Variants in SLC8A1 observed in about 807,000 individuals in gnomAD.
The protein encoded by SLC8A1 is solute carrier family 8 member A1.
A neutral mutation model predicts 68.3 loss-of-function variants in SLC8A1; 18 were observed. That is an observed-to-expected ratio of 0.26 (90% confidence interval 0.18 to 0.39). SLC8A1 has a LOEUF of 0.39. SLC8A1 is among the 10% of genes least tolerant of loss of function. The probability of loss-of-function intolerance (pLI) is 1.00; values close to 1 mark genes in which losing one functional copy is unlikely to be tolerated. For missense variants in SLC8A1, 985 were observed against 1,156.7 expected (o/e 0.85, Z 2.15); for synonymous variants, 475 against 415.5 (o/e 1.14, Z -1.74).
intron 2 of SLC8A1, among the ~76,000 whole-genome samples, chr2:40,191,155 G>T (rs757373304): frequency 2.6e-5 from 4 of 152,074 alleles, no homozygotes; most frequent in Non-Finnish European, 5.9e-5. Flanking sequence ...CAAAGTAAAA[G>T]TCACTACCGA....
chr2:40,258,353 T>TA (rs1471160960), intron 2 of SLC8A1, among the ~76,000 whole-genome samples: 3 of 152,186 alleles, frequency 2.0e-5, no homozygotes, highest in Non-Finnish European at 4.4e-5. Flanking sequence ...GGAAGCCACT[T>TA]ACCTTCAGAC....
exon 8 of SLC8A1, chr2:40,107,256 G>C (rs1484411238): frequency 1.9e-5 from 2 of 103,942 alleles, no homozygotes. Context: ...CTCCAGCCTG[G>C]GCGACAGAGC....
intron 2 of SLC8A1, among the ~76,000 whole-genome samples, chr2:40,188,915 A>G (rs2051217868): frequency 6.6e-6 from 1 of 152,216 alleles, no homozygotes; most frequent in Non-Finnish European, 1.5e-5. Flanking sequence ...AAAGAAACCA[A>G]TAATTAGTGA....
chr2:40,389,613 C>T (rs1684650807), intron 2 of SLC8A1, among the ~76,000 whole-genome samples: 1 of 151,862 alleles, frequency 6.6e-6, no homozygotes. Context: ...CCCAGACCAT[C>T]CAACTGAATG....
chr2:40,136,346 T>C (rs1572986844), intron 7 of SLC8A1, among the ~76,000 whole-genome samples: 1 of 152,226 alleles, frequency 6.6e-6, no homozygotes, highest in Admixed American at 6.5e-5. Context: ...GAAGAAGCTT[T>C]GTCTCACTTG....
intron 1 of SLC8A1, among the ~76,000 whole-genome samples, chr2:40,443,831 C>T (rs1700956767): frequency 6.6e-6 from 1 of 152,194 alleles, no homozygotes; most frequent in Non-Finnish European, 1.5e-5. Context: ...TACACTTTGG[C>T]ATTCAGTGCC....
intron 2 of SLC8A1, among the ~76,000 whole-genome samples, chr2:40,247,575 A>ACCT (rs1558940131): frequency 1.3e-5 from 2 of 152,222 alleles, no homozygotes; most frequent in African/African-American, 4.8e-5. Flanking sequence ...CTCAGGGCAT[A>ACCT]TAAGTCACGT....
intron 2 of SLC8A1, among the ~76,000 whole-genome samples, chr2:40,286,070 G>A (rs760136273): frequency 6.6e-6 from 1 of 152,146 alleles, no homozygotes; most frequent in African/African-American, 2.4e-5. Flanking sequence ...GCTAGTTACT[G>A]CTCAGTACCC....
intron 2 of SLC8A1, among the ~76,000 whole-genome samples, chr2:40,277,030 T>C (rs1463809216): frequency 6.6e-6 from 1 of 152,196 alleles, no homozygotes; most frequent in Non-Finnish European, 1.5e-5. Context: ...ATATGCCATA[T>C]GTAAATTAAA....
At chr2:40,281,859 C>A (rs1251661805) in intron 2 of SLC8A1, among the ~76,000 whole-genome samples, 1 of 152,180 alleles carries the variant, frequency 6.6e-6, no homozygotes, top group East Asian at 1.9e-4. Flanking sequence ...GGAAGTGATT[C>A]TTCATCCTGG....
chr2:40,152,571 A>ATT (rs70957149), intron 6 of SLC8A1, among the ~76,000 whole-genome samples: 10 of 140,238 alleles, frequency 7.1e-5, no homozygotes, highest in South Asian at 2.3e-4. Flanking sequence ...CGCCTAGCTA[A>ATT]TTTTTTTTTT....
At chr2:40,463,106 G>GAC (rs934746480) in intron 1 of SLC8A1, among the ~76,000 whole-genome samples, 1 of 152,156 alleles carries the variant, frequency 6.6e-6, no homozygotes, top group Admixed American at 6.5e-5. Flanking sequence ...GCAGCAAGAA[G>GAC]ACACAGAGAG....
In SLC8A1 at chr2:40,308,044, A is replaced by G. The variant is rs1255349907; in HGVS notation, c.1808+120429T>C. Among the ~76,000 whole-genome samples the G allele has an allele frequency of 3.3e-5, 5 of 152,294 alleles. No individual in the cohort carries two copies. The East Asian group carries it at 9.6e-4, about 29-fold the overall frequency. On this transcript the variant is annotated intron_variant, in intron 2 of 7. Transcript: ENST00000406785. Reference sequence around the variant, plus strand: ...GAATGAAATAAAATAATATAAATAAAAGTAAACAAACACTTTTCAAGCAAG... The same window carrying G: ...GAATGAAATAAAATAATATAAATAAGAGTAAACAAACACTTTTCAAGCAAG...
chr2:40,109,622 C>G (rs1016410654), exon 8 of SLC8A1: 8 of 152,138 alleles, frequency 5.3e-5, no homozygotes, highest in African/African-American at 1.9e-4. Flanking sequence ...ATAGCATAAG[C>G]TCTTTCCCTA....
exon 8 of SLC8A1, chr2:40,107,523 A>C (rs1449123913): frequency 6.6e-6 from 1 of 152,154 alleles, no homozygotes; most frequent in Non-Finnish European, 1.5e-5. Flanking sequence ...TGCCTGCTAA[A>C]AAAGAAAGAA....
intron 6 of SLC8A1, among the ~76,000 whole-genome samples, chr2:40,157,266 A>T (rs1032010193): frequency 6.6e-6 from 1 of 152,170 alleles, no homozygotes; most frequent in Admixed American, 6.5e-5. Context: ...ATTAATTCTT[A>T]TGGCAGCTCT....
chr2:40,290,561 T>C (rs111767177), intron 2 of SLC8A1, among the ~76,000 whole-genome samples: 110 of 152,252 alleles, frequency 7.2e-4, no homozygotes, highest in African/African-American at 2.6e-3. Context: ...TGGTTAACTA[T>C]CCATAAGTCC....
intron 2 of SLC8A1, among the ~76,000 whole-genome samples, chr2:40,199,630 G>A (rs760028365): frequency 6.6e-5 from 10 of 151,682 alleles, no homozygotes; most frequent in Non-Finnish European, 1.2e-4. Context: ...TCGGAAGCAA[G>A]CAGAACAAGT....
chr2:40,421,118 C>T (rs554237663), intron 2 of SLC8A1, among the ~76,000 whole-genome samples: 18 of 152,060 alleles, frequency 1.2e-4, no homozygotes, highest in South Asian at 2.1e-4. Context: ...CCGCCATCAT[C>T]TCCAACACTA....
Sources: gnomAD v4.1 joint callset for allele counts (sites outside exome capture counted in the v4.1 genomes callset) on GRCh38, gnomAD v4.1.1 for gene constraint, MANE v1.5 for transcripts, NCBI Gene and HGNC (gene_info 2026-07-23, HGNC 2026-07-21) for gene names.